GRK4: variants seen among roughly 807,000 people sequenced by gnomAD.
The protein encoded by GRK4 is G protein-coupled receptor kinase 4.
A neutral mutation model predicts 77.9 loss-of-function variants in GRK4; 73 were observed. The ratio of observed to expected loss-of-function variants is 0.94; its 90% CI spans 0.78 to 1.14. The LOEUF is 1.14. Ranked by LOEUF, GRK4 falls within the 50% of genes most tolerant of loss-of-function variation. The pLI, the probability that GRK4 is intolerant of heterozygous loss-of-function variation, is 0.00. For missense variants in GRK4, 729 were observed against 700.2 expected, an observed-to-expected ratio of 1.04 and a Z score of -0.46; for synonymous variants, 257 against 254.4, an observed-to-expected ratio of 1.01 and a Z score of -0.10.
chr4:3,038,015 G>A (rs936561263), intron 14 of GRK4, among the ~76,000 whole-genome samples: 36 of 152,258 alleles, frequency 2.4e-4, no homozygotes, highest in African/African-American at 7.7e-4. Flanking sequence ...GAAGCACAGC[G>A]GCTGTCCCTG....
At chr4:2,968,724 G>A (rs543418447) in intron 1 of GRK4, among the ~76,000 whole-genome samples, 1 of 152,186 alleles carries the variant, frequency 6.6e-6, no homozygotes, top group Non-Finnish European at 1.5e-5. Flanking sequence ...GACTACAGCA[G>A]GGATGGGGGT....
chr4:2,973,405 G>A (rs906848849), intron 1 of GRK4, among the ~76,000 whole-genome samples: 4 of 152,056 alleles, frequency 2.6e-5, no homozygotes, highest in South Asian at 2.1e-4. Context: ...ACCAGTTCAC[G>A]CCTGCAGGCT....
chr4:2,988,794 T>C lies in GRK4; in HGVS notation c.216T>C (p.Asp72=). ...IGRRLFRQFC[D]TKPTLKRHIE... Reference sequence around the variant, plus strand: ...GACGTCTCTTCAGGCAGTTCTGTGATACCAAACCCACTCTAAAGAGGCACA... The same window carrying C: ...GACGTCTCTTCAGGCAGTTCTGTGACACCAAACCCACTCTAAAGAGGCACA... The change falls in exon 3 of 16, where the codon GAT becomes GAC. Residue 72 remains aspartate (D), a synonymous_variant. Coordinates refer to ENST00000398052, the MANE Select transcript of GRK4 (RefSeq NM_182982.3). 6.2e-7 allele frequency: 1 copy of C among 1,613,158 alleles called. No individual in the cohort carries two copies. Among genetic ancestry groups the C allele is most frequent in the Non-Finnish European group, 8.5e-7 (1 of 1,179,204 alleles).
At position 2,963,895 on chromosome 4, in the gene GRK4, G is replaced by A; in HGVS notation, c.-176G>A. 1 of 666,650 alleles carries A rather than the reference G, an allele frequency of 1.5e-6. No individual in the cohort carries two copies. 41.3% of individuals were successfully genotyped at this position (666,650 alleles called of 1,614,324 possible). Reference sequence around the variant, plus strand: ...GGTGAGGGCCTGCGGAGGCGGCGGCGGCGGCGCCCTTGGTGGCAGTGGTGG... The same window carrying A: ...GGTGAGGGCCTGCGGAGGCGGCGGCAGCGGCGCCCTTGGTGGCAGTGGTGG... On this transcript the variant is annotated 5_prime_UTR_variant, in exon 1 of 16. Coordinates refer to ENST00000398052, the MANE Select transcript of GRK4 (RefSeq NM_182982.3).
At chr4:2,987,281 G>A (rs925898486) in intron 2 of GRK4, 5 of 337,922 alleles carry the variant, frequency 1.5e-5, no homozygotes, top group Middle Eastern at 4.0e-4. Context: ...ATCCTTTTTT[G>A]TTGGTGAATA....
intron 8 of GRK4, among the ~76,000 whole-genome samples, chr4:3,019,318 G>T (rs888605437): frequency 6.6e-6 from 1 of 152,174 alleles, no homozygotes; most frequent in African/African-American, 2.4e-5. Flanking sequence ...GCGGTTGCCC[G>T]GGAAGTACAG....
At chr4:2,970,435 G>T (rs926664476) in intron 1 of GRK4, among the ~76,000 whole-genome samples, 17 of 152,008 alleles carry the variant, frequency 1.1e-4, no homozygotes, top group African/African-American at 4.1e-4. Context: ...CAAGGCGGGC[G>T]GATCACGAGG....
chr4:3,023,734 A>T (rs1736694704), intron 10 of GRK4, among the ~76,000 whole-genome samples: 1 of 152,214 alleles, frequency 6.6e-6, no homozygotes, highest in Admixed American at 6.5e-5. Context: ...GAAGCTGCTC[A>T]CTTACTGAGT....
Position 3,029,242 on chromosome 4 carries a change from G to A in GRK4, c.1102G>A (p.Asp368Asn), listed in dbSNP as rs200663728. 31 of 1,613,974 alleles carry A rather than the reference G, an allele frequency of 1.9e-5. No homozygotes were observed. Among genetic ancestry groups the A allele is most frequent in the African/African-American group, 4.0e-5 (3 of 75,038 alleles). ...VNNEKYTFSP[D>N]WWGLGCLIYE... is the part of the protein sequence containing the mutation. ...TAATGAAAAGTATACGTTTAGTCCCGATTGGTGGGGACTTGGCTGTCTGAT... is the reference window on the plus strand; with the variant it reads ...TAATGAAAAGTATACGTTTAGTCCCAATTGGTGGGGACTTGGCTGTCTGAT... Residue 368 changes from aspartate (D) to asparagine (N), a missense_variant, in exon 12 of 16, where the codon GAT becomes AAT. Asp to Asn is a conservative substitution (Grantham distance 23). Coordinates refer to ENST00000398052, the MANE Select transcript of GRK4 (RefSeq NM_182982.3).
At position 2,965,257 on chromosome 4, in the gene GRK4, C is replaced by G. The variant is rs531598631; in HGVS notation, c.52+1135C>G. ...GGTCTCTCTAGTCCTCTGCATCCCG[C>G]CACAAAAGCATCAGTTGGTCCAGCC... On this transcript the variant is annotated intron_variant, in intron 1 of 15. Transcript: ENST00000398052. The G allele has an allele frequency of 1.1e-4, 79 of 703,062 alleles. No individual in the cohort carries two copies. In the African/African-American group the frequency reaches 1.3e-3, roughly 12 times the overall value. The allele number at this position is 703,062 out of a possible 1,614,324, so 43.6% of individuals were successfully genotyped here.
rs1237910910 is a variant in GRK4 at position 3,019,817 on chromosome 4, A to G, written c.918A>G (p.Glu306=). Residue 306 remains glutamate, a synonymous_variant, in exon 9 of 16, where the codon GAA becomes GAG. Coordinates refer to ENST00000398052, the MANE Select transcript of GRK4 (RefSeq NM_182982.3). ...LCCGLEDLQR[E]RIVYRDLKPE... is the part of the protein sequence containing the mutation. ...GCGGCTTGGAAGATTTACAGAGGGA[A>G]AGAATTGTATACAGGTAAGAACGGT... 12 of 1,613,908 alleles carry G rather than the reference A, an allele frequency of 7.4e-6. No individual in the cohort carries two copies. Among genetic ancestry groups the G allele is most frequent in the Admixed American group, 1.7e-5 (1 of 60,000 alleles).
chr4:3,019,680 T>G lies in GRK4; in HGVS notation c.781T>G (p.Cys261Gly). Residue 261 changes from cysteine (C) to glycine (G), a missense_variant, in exon 9 of 16, where the codon TGC becomes GGC. Transcript: ENST00000398052. ...AYAYETKDAL[C>G]LVLTIMNGGD... is the part of the protein sequence containing the mutation. Reference sequence around the variant, plus strand: ...CGCTTATGAAACCAAAGATGCCTTGTGCTTGGTGCTCACCATTATGAATGG... The same window carrying G: ...CGCTTATGAAACCAAAGATGCCTTGGGCTTGGTGCTCACCATTATGAATGG... The G allele has an allele frequency of 6.2e-7, 1 of 1,614,112 alleles. No individual in the cohort carries two copies. Among genetic ancestry groups the G allele is most frequent in the South Asian group, 1.1e-5 (1 of 91,062 alleles).
chr4:2,987,157 C>G (rs1234822817), intron 2 of GRK4: 1 of 518,060 alleles, frequency 1.9e-6, no homozygotes, highest in Non-Finnish European at 3.9e-6. Context: ...TACAAATCCA[C>G]TTTCTGTCTA....
intron 2 of GRK4, chr4:2,985,720 C>T (rs1248033147): frequency 6.3e-6 from 2 of 319,320 alleles, no homozygotes; most frequent in Non-Finnish European, 1.2e-5. Flanking sequence ...TACAGAAGGC[C>T]GGGTGTGGTG....
intron 15 of GRK4, chr4:3,038,898 C>T (rs774546492): frequency 7.1e-5 from 12 of 168,302 alleles, no homozygotes; most frequent in Admixed American, 1.2e-4. Flanking sequence ...GCCCGCTGCA[C>T]GGGGAAAGTG....
chr4:2,997,906 T>TC (rs1169898189), intron 4 of GRK4, among the ~76,000 whole-genome samples: 1 of 92,884 alleles, frequency 1.1e-5, no homozygotes, highest in African/African-American at 5.5e-5. Flanking sequence ...AGACTCCATC[T>TC]CCAAAAAAAA....
chr4:3,030,182 G>T (rs1738747277), intron 12 of GRK4, among the ~76,000 whole-genome samples: 1 of 152,178 alleles, frequency 6.6e-6, no homozygotes, highest in Admixed American at 6.5e-5. Flanking sequence ...GTGCTGGACA[G>T]ACCATTCCTT....
At chr4:2,979,396 T>G (rs1722163072) in intron 1 of GRK4, among the ~76,000 whole-genome samples, 1 of 115,700 alleles carries the variant, frequency 8.6e-6, no homozygotes. Context: ...AGAGGGAGAC[T>G]CTGTCTCAAA....
chr4:3,038,215 G>C (rs956300855), intron 14 of GRK4, among the ~76,000 whole-genome samples, 161 bp from the exon 15 acceptor site: 1 of 152,250 alleles, frequency 6.6e-6, no homozygotes, highest in African/African-American at 2.4e-5. Context: ...GAAGAGGTCA[G>C]GAAGCAGGGA....
Sources: allele counts gnomAD v4.1 joint callset (sites outside exome capture counted in the v4.1 genomes callset), GRCh38; gene constraint gnomAD v4.1.1; transcripts MANE v1.5; gene names NCBI Gene and HGNC (gene_info 2026-07-23, HGNC 2026-07-21).